TANC2: variants seen among roughly 807,000 people sequenced by gnomAD.
The protein encoded by TANC2 is tetratricopeptide repeat, ankyrin repeat and coiled-coil containing 2.
In TANC2, 26 loss-of-function variants were observed where a neutral mutation model predicts 210.5. The ratio of observed to expected loss-of-function variants is 0.12; its 90% CI spans 0.09 to 0.17. The LOEUF (loss-of-function observed/expected upper bound fraction) is 0.17. Among genes scored for constraint, TANC2 ranks in the 10% least tolerant of loss-of-function variants. TANC2 has a pLI of 1.00. For missense variants in TANC2, 2,129 were observed against 2,608.9 expected (o/e 0.82, Z 4.01); for synonymous variants, 931 against 967.1 (o/e 0.96, Z 0.69).
intron 2 of TANC2, among the ~76,000 whole-genome samples, chr17:63,025,370 T>C (rs899709536): frequency 1.3e-5 from 2 of 152,190 alleles, no homozygotes; most frequent in Non-Finnish European, 2.9e-5. Flanking sequence ...GCCTTCTTCA[T>C]TTTTACTATC....
intron 20 of TANC2, among the ~76,000 whole-genome samples, chr17:63,405,476 C>G (rs1156407754): frequency 1.3e-5 from 2 of 152,234 alleles, no homozygotes; most frequent in Admixed American, 6.5e-5. Flanking sequence ...GGACTAACTA[C>G]TTATGTCCTG....
chr17:63,227,211 T>A (rs922065377), intron 7 of TANC2, among the ~76,000 whole-genome samples: 4 of 152,200 alleles, frequency 2.6e-5, no homozygotes, highest in African/African-American at 9.6e-5. Context: ...TAATTTACAT[T>A]CCCACCAATA....
intron 8 of TANC2, among the ~76,000 whole-genome samples, chr17:63,257,024 G>GT (rs2043214041): frequency 6.8e-6 from 1 of 148,126 alleles, no homozygotes; most frequent in African/African-American, 2.5e-5. Context: ...TGTGTTTCTT[G>GT]TAGGCCACAG....
intron 9 of TANC2, among the ~76,000 whole-genome samples, chr17:63,275,920 AAAAT>A (rs1461564487): frequency 6.6e-6 from 1 of 152,170 alleles, no homozygotes; most frequent in Non-Finnish European, 1.5e-5. Context: ...GCAGTAAAGA[AAAAT>A]AACACACTCT....
chr17:63,355,837 T>G (rs1272215609), intron 14 of TANC2, among the ~76,000 whole-genome samples: 1 of 152,194 alleles, frequency 6.6e-6, no homozygotes, highest in Non-Finnish European at 1.5e-5. Flanking sequence ...CTAAATCCAT[T>G]AAAGTCCAGC....
chr17:62,999,709 C>T (rs532752640), intron 1 of TANC2, among the ~76,000 whole-genome samples: 7 of 151,898 alleles, frequency 4.6e-5, no homozygotes, highest in African/African-American at 9.7e-5. Context: ...CACTGTGGCC[C>T]GGGAAAGCCA....
rs72378149 is a variant in TANC2 at position 63,331,835 on chromosome 17, A to AGTGT, written c.1576-8249_1576-8246dup. ...GCCTACAGTTTTACTGTAAGATAAG[A>AGTGT]GTGTGTGTGTGTGTGTGTGTCTGTG... On this transcript the variant is annotated intron_variant, in intron 11 of 27. Transcript: ENST00000689528. 194 of 151,484 alleles carry AGTGT rather than the reference A, an allele frequency of 1.3e-3. 1 individual carries two copies. The highest frequency in any genetic ancestry group is 4.1e-3 in the African/African-American group (157 of 38,262). The allele number at this position is 151,484 out of a possible 1,614,324, so 9.4% of individuals were successfully genotyped here.
At chr17:63,173,123 T>G (rs1007025424) in intron 5 of TANC2, among the ~76,000 whole-genome samples, 1 of 152,158 alleles carries the variant, frequency 6.6e-6, no homozygotes, top group Non-Finnish European at 1.5e-5. Flanking sequence ...ATAACATAAT[T>G]GTCTATAAAA....
At chr17:62,971,222 C>T (rs947376976) in intron 1 of TANC2, among the ~76,000 whole-genome samples, 4 of 151,964 alleles carry the variant, frequency 2.6e-5, no homozygotes, top group Non-Finnish European at 4.4e-5. Flanking sequence ...GAGTGTATAT[C>T]CCTGATGAGT....
intron 2 of TANC2, among the ~76,000 whole-genome samples, chr17:63,052,718 A>T (rs2035625509): frequency 6.6e-6 from 1 of 152,078 alleles, no homozygotes; most frequent in South Asian, 2.1e-4. Context: ...GTTTAGGGAG[A>T]TACATAATCT....
At chr17:63,372,426 A>G (rs578225687) in intron 14 of TANC2, among the ~76,000 whole-genome samples, 26 of 152,338 alleles carry the variant, frequency 1.7e-4, no homozygotes, top group Admixed American at 3.3e-4. Context: ...CCTGCTACAC[A>G]CATTAAAGAC....
intron 2 of TANC2, among the ~76,000 whole-genome samples, chr17:63,072,508 A>T (rs907471420): frequency 6.6e-6 from 1 of 152,060 alleles, no homozygotes; most frequent in African/African-American, 2.4e-5. Context: ...CAAATGTGGT[A>T]ACTTATATAG....
In TANC2 at chr17:63,425,822, G is replaced by A. The variant is rs1051030966; in HGVS notation, c.*3867G>A. The A allele has an allele frequency of 2.6e-5, 4 of 152,250 alleles. No homozygotes were observed. In the East Asian group the frequency reaches 5.8e-4, roughly 22 times the overall value. The allele number at this position is 152,250 out of a possible 1,614,324, so 9.4% of individuals were successfully genotyped here. Reference sequence around the variant, plus strand: ...AGGTTGACCAGAGCTCCCTTGCTCTGGTAGAGGGATGGGTACATGGAGAAG... The same window carrying A: ...AGGTTGACCAGAGCTCCCTTGCTCTAGTAGAGGGATGGGTACATGGAGAAG... On this transcript the variant is annotated 3_prime_UTR_variant, in exon 28 of 28. Coordinates refer to ENST00000689528, the Ensembl canonical transcript of TANC2.
At chr17:63,200,562 A>G (rs1244429286) in intron 6 of TANC2, among the ~76,000 whole-genome samples, 1 of 152,162 alleles carries the variant, frequency 6.6e-6, no homozygotes, top group Non-Finnish European at 1.5e-5. Flanking sequence ...AAAACTGGCA[A>G]CAGTCTCTGT....
intron 26 of TANC2, among the ~76,000 whole-genome samples, chr17:63,417,005 T>C (rs1432217112): frequency 1.3e-5 from 2 of 152,184 alleles, no homozygotes; most frequent in African/African-American, 2.4e-5. Flanking sequence ...TAATAGACTT[T>C]TTAAAAATGC....
intron 2 of TANC2, among the ~76,000 whole-genome samples, chr17:63,071,190 G>A (rs2036383660): frequency 6.6e-6 from 1 of 152,136 alleles, no homozygotes. Flanking sequence ...TGCTGTGATA[G>A]ATTTCATAGA....
intron 5 of TANC2, among the ~76,000 whole-genome samples, chr17:63,169,683 A>G (rs371185282): frequency 2.6e-5 from 4 of 152,130 alleles, no homozygotes; most frequent in South Asian, 4.1e-4. Context: ...GTGTGGTGGC[A>G]CACCCCTGTA....
At chr17:63,042,321 G>A (rs191813480) in intron 2 of TANC2, among the ~76,000 whole-genome samples, 161 of 152,162 alleles carry the variant, frequency 1.1e-3, no homozygotes, top group South Asian at 3.3e-3. Context: ...GCATATTAAA[G>A]AAAATATATA....
chr17:63,405,915 T>TCTTTTTTA (rs1055986225), intron 20 of TANC2, among the ~76,000 whole-genome samples: 4 of 152,230 alleles, frequency 2.6e-5, no homozygotes, highest in African/African-American at 9.7e-5. Flanking sequence ...TTTGTTAAGT[T>TCTTTTTTA]CTTTTTTACT....
Sources: allele counts gnomAD v4.1 joint callset (sites outside exome capture counted in the v4.1 genomes callset), GRCh38; gene constraint gnomAD v4.1.1; transcripts MANE v1.5; gene names NCBI Gene and HGNC (gene_info 2026-07-23, HGNC 2026-07-21).